SKIDA1: variants seen among roughly 807,000 people sequenced by gnomAD.
SKIDA1 encodes SKI/DACH domain-containing protein 1.
SKIDA1 carries 18 observed loss-of-function variants against 51.4 expected under a neutral mutation model. The ratio of observed to expected loss-of-function variants is 0.35; its 90% CI spans 0.24 to 0.52. The LOEUF is 0.52. Ranked by LOEUF, SKIDA1 falls within the 20% of genes least tolerant of loss-of-function variation. The pLI is 0.95. For missense variants in SKIDA1, 1,104 were observed against 1,180.6 expected (o/e 0.94, Z 0.95); for synonymous variants, 579 against 500.5 (o/e 1.16, Z -2.09).
At chr10:21,524,389 G>C (rs1001615597) in intron 1 of SKIDA1, among the ~76,000 whole-genome samples, 2 of 151,986 alleles carry the variant, frequency 1.3e-5, no homozygotes, top group African/African-American at 4.8e-5. Context: ...TTTTCTCAAA[G>C]ACATATCTAT....
At position 21,516,569 on chromosome 10, in the gene SKIDA1, T is replaced by C. The variant is rs1338800240; in HGVS notation, c.1254A>G (p.Gly418=). ...SVSSEEEEEE[G]EEEEEEEEEE... The stretch of plus-strand genomic sequence containing the variant: ...CCTCCTCTTCCTCCTCCTCCTCCTC[T>C]CCCTCCTCCTCCTCTTCCTCTGAGG... The change falls in exon 4 of 4, where the codon GGA becomes GGG. Residue 418 remains glycine, a synonymous_variant. Transcript: ENST00000449193. This position sits in a 1 kb window ranked among gnomAD's most constrained non-coding sequence, Gnocchi z 5.7. 11 of 1,527,376 alleles carry C rather than the reference T, an allele frequency of 7.2e-6. No individual in the cohort carries two copies. The highest frequency in any genetic ancestry group is 2.0e-5 in the Admixed American group (1 of 50,372). 94.6% of individuals were successfully genotyped at this position (1,527,376 alleles called of 1,614,324 possible). A position where few individuals can be genotyped will look rare whatever the true frequency, so the allele number is the denominator to read the frequency against.
Position 21,515,555 on chromosome 10 carries a change from G to A in SKIDA1, c.2268C>T (p.Gly756=), listed in dbSNP as rs975569948. 3 of 1,613,988 alleles carry A rather than the reference G, an allele frequency of 1.9e-6. No homozygotes were observed. Among genetic ancestry groups the A allele is most frequent in the Non-Finnish European group, 2.5e-6 (3 of 1,179,900 alleles). Residue 756 remains glycine, a synonymous_variant, in exon 4 of 4, where the codon GGC becomes GGT. Coordinates refer to ENST00000449193, the MANE Select transcript of SKIDA1 (RefSeq NM_207371.4). ...PSLNPLAQSQ[G]LSCTLGSPKP... is the part of the protein sequence containing the mutation. ...TTGGAGAACCTAAAGTGCATGAAAG[G>A]CCCTGACTTTGAGCCAGTGGATTTA...
chr10:21,516,680 G>T lies in SKIDA1; in HGVS notation c.1143C>A (p.Ser381Arg). ...HLGSFPESCS[S>R]DSESSSYSDH... ...CCGAGTAGGAGCTGGACTCGGAGTC[G>T]CTGCTGCAGCTCTCGGGAAAGCTGC... Residue 381 changes from serine to arginine, a missense_variant, in exon 4 of 4, where the codon AGC (serine) becomes AGA (arginine). Transcript: ENST00000449193. The surrounding 1 kb of genome is among the most constrained non-coding windows in gnomAD (Gnocchi z 5.7). 6.4e-7 allele frequency: 1 copy of T among 1,551,552 alleles called. No individual in the cohort carries two copies. The highest frequency in any genetic ancestry group is 8.7e-7 in the Non-Finnish European group (1 of 1,146,958).
rs772768680 is a variant in SKIDA1 at position 21,515,243 on chromosome 10, T to A, written c.2580A>T (p.Arg860Ser). Residue 860 changes from arginine to serine, a missense_variant, in exon 4 of 4, where the codon AGA becomes AGT. Physicochemically the swap from Arg to Ser is moderately radical, Grantham distance 110. This residue lies in a region of SKIDA1 where 112 missense variants were observed against 168.3 expected (regional missense o/e 0.67). Coordinates refer to ENST00000449193, the MANE Select transcript of SKIDA1 (RefSeq NM_207371.4). ...FPCPPSLIIG[R>S]DGDLWPAYSL... Reference sequence around the variant, plus strand: ...AATACGCCGGCCACAAATCCCCATCTCTCCCAATAATGAGTGATGGTGGAC... The same window carrying A: ...AATACGCCGGCCACAAATCCCCATCACTCCCAATAATGAGTGATGGTGGAC... 1 of 1,613,724 alleles carries A rather than the reference T, an allele frequency of 6.2e-7. No individual in the cohort carries two copies. Among genetic ancestry groups the A allele is most frequent in the African/African-American group, 1.3e-5 (1 of 74,838 alleles).
chr10:21,516,440 C>T lies in SKIDA1; in HGVS notation c.1383G>A (p.Val461=). The T allele has an allele frequency of 1.2e-6, 2 of 1,613,168 alleles. No individual in the cohort carries two copies. Among genetic ancestry groups the T allele is most frequent in the Non-Finnish European group, 1.7e-6 (2 of 1,179,860 alleles). Reference sequence around the variant, plus strand: ...TGGTGCGCCTGAATCGGATGCTCTGCACTGACACTTGGCTGGAGCCGGAGC... The same window carrying T: ...TGGTGCGCCTGAATCGGATGCTCTGTACTGACACTTGGCTGGAGCCGGAGC... The part of the protein sequence containing the change: ...DSSSGSSQVS[V]QSIRFRRTSF... The change falls in exon 4 of 4, where the codon GTG becomes GTA. Residue 461 remains valine, a synonymous_variant. Coordinates refer to ENST00000449193, the MANE Select transcript of SKIDA1 (RefSeq NM_207371.4). This position sits in a 1 kb window ranked among gnomAD's most constrained non-coding sequence, Gnocchi z 5.7.
In SKIDA1 at chr10:21,515,305, C is replaced by G. The variant is rs766276091; in HGVS notation, c.2518G>C (p.Val840Leu). The change falls in exon 4 of 4, where the codon GTG (valine) becomes CTG (leucine). Residue 840 changes from valine (V) to leucine (L), a missense_variant. Physicochemically the swap from Val to Leu is conservative, Grantham distance 32. Transcript: ENST00000449193. ...GCCATGAAATGAAATGGCCTTTTCA[C>G]TGCTGATGCTACATTGCTGGCTACC... Reference protein sequence around the residue: ...KKVASNVASAVKRPFHFMANF... With the variant: ...KKVASNVASALKRPFHFMANF... The G allele has an allele frequency of 1.2e-6, 2 of 1,614,006 alleles. No homozygotes were observed. Among genetic ancestry groups the G allele is most frequent in the Admixed American group, 1.7e-5 (1 of 60,030 alleles).
chr10:21,516,678 T>A lies in SKIDA1; in HGVS notation c.1145A>T (p.Asp382Val). 6.4e-7 allele frequency: 1 copy of A among 1,551,058 alleles called. No homozygotes were observed. The highest frequency in any genetic ancestry group is 8.7e-7 in the Non-Finnish European group (1 of 1,146,842). The change falls in exon 4 of 4, where the codon GAC becomes GTC. Residue 382 changes from aspartate to valine, a missense_variant. By Grantham distance (152) the Asp-to-Val change is radical. Around this residue, in one of 3 missense-constraint regions of SKIDA1, gnomAD observed 938 missense variants for 886.4 expected, o/e 1.06. Coordinates refer to ENST00000449193, the MANE Select transcript of SKIDA1 (RefSeq NM_207371.4). This position sits in a 1 kb window ranked among gnomAD's most constrained non-coding sequence, Gnocchi z 5.7. ...GTCCGAGTAGGAGCTGGACTCGGAG[T>A]CGCTGCTGCAGCTCTCGGGAAAGCT... ...LGSFPESCSS[D>V]SESSSYSDHA...
Position 21,516,983 on chromosome 10 carries a change from G to A in SKIDA1, c.840C>T (p.Asp280=), listed in dbSNP as rs1180562397. Reference sequence around the variant, plus strand: ...CGCCGGCGTGAGGCGCGAGCAGGCAGTCCTTGGCGCCGCCGCGCTTGCGCT... The same window carrying A: ...CGCCGGCGTGAGGCGCGAGCAGGCAATCCTTGGCGCCGCCGCGCTTGCGCT... ...RCKRKRGGAK[D]CLLAPHAGAR... Residue 280 remains aspartate, a synonymous_variant, in exon 4 of 4, where the codon GAC becomes GAT. Coordinates refer to ENST00000449193, the MANE Select transcript of SKIDA1 (RefSeq NM_207371.4). This position sits in a 1 kb window ranked among gnomAD's most constrained non-coding sequence, Gnocchi z 5.7. 14 of 1,154,474 alleles carry A rather than the reference G, an allele frequency of 1.2e-5. No homozygotes were observed. The highest frequency in any genetic ancestry group is 4.3e-6 in the Non-Finnish European group (4 of 934,860). The allele number at this position is 1,154,474 out of a possible 1,614,324, so 71.5% of individuals were successfully genotyped here. A position where few individuals can be genotyped will look rare whatever the true frequency, so the allele number is the denominator to read the frequency against.
In SKIDA1 at chr10:21,516,461, G is replaced by A; in HGVS notation, c.1362C>T (p.Ser454=). The A allele has an allele frequency of 2.5e-6, 4 of 1,611,978 alleles. No individual in the cohort carries two copies. Among genetic ancestry groups the A allele is most frequent in the Non-Finnish European group, 3.4e-6 (4 of 1,179,580 alleles). The change falls in exon 4 of 4, where the codon TCC becomes TCT. Residue 454 remains serine, a synonymous_variant. Transcript: ENST00000449193. The surrounding 1 kb of genome is among the most constrained non-coding windows in gnomAD (Gnocchi z 5.7). ...EDSSTESDSS[S]GSSQVSVQSI... is the part of the protein sequence containing the mutation. ...TCTGCACTGACACTTGGCTGGAGCC[G>A]GAGCTGGAGTCCGACTCGGTGGACG...
intron 3 of SKIDA1, among the ~76,000 whole-genome samples, chr10:21,520,270 T>C (rs1467160186): frequency 6.6e-6 from 1 of 152,186 alleles, no homozygotes; most frequent in East Asian, 1.9e-4. Flanking sequence ...CTGGATCTAT[T>C]ACACCGTGTT....
chr10:21,516,657 G>A lies in SKIDA1; in HGVS notation c.1166C>T (p.Ser389Leu). 1.9e-6 allele frequency: 3 copies of A among 1,551,694 alleles called. No homozygotes were observed. Among genetic ancestry groups the A allele is most frequent in the Non-Finnish European group, 2.6e-6 (3 of 1,146,994 alleles). Reference sequence around the variant, plus strand: ...ATCCGAGTCGTTGGCCGCGTGGTCCGAGTAGGAGCTGGACTCGGAGTCGCT... The same window carrying A: ...ATCCGAGTCGTTGGCCGCGTGGTCCAAGTAGGAGCTGGACTCGGAGTCGCT... ...CSSDSESSSY[S>L]DHAANDSDFG... The change falls in exon 4 of 4, where the codon TCG (serine) becomes TTG (leucine). Residue 389 changes from serine to leucine, a missense_variant. Coordinates refer to ENST00000449193, the MANE Select transcript of SKIDA1 (RefSeq NM_207371.4). This position sits in a 1 kb window ranked among gnomAD's most constrained non-coding sequence, Gnocchi z 5.7.
chr10:21,522,703 G>A (rs2032438929), intron 2 of SKIDA1, among the ~76,000 whole-genome samples: 1 of 151,988 alleles, frequency 6.6e-6, no homozygotes. Flanking sequence ...ACAAATCAGG[G>A]TAAGTCTCCA....
At chr10:21,522,852 C>T (rs2032451414) in intron 2 of SKIDA1, among the ~76,000 whole-genome samples, 1 of 152,034 alleles carries the variant, frequency 6.6e-6, no homozygotes, top group Admixed American at 6.5e-5. Flanking sequence ...GCCCCCTGAC[C>T]CATCTTGAAT....
In SKIDA1 at chr10:21,515,824, C is replaced by A; in HGVS notation, c.1999G>T (p.Ala667Ser). Residue 667 changes from alanine (A) to serine (S), a missense_variant, in exon 4 of 4, where the codon GCC (alanine) becomes TCC (serine). This residue lies in a region of SKIDA1 where 938 missense variants were observed against 886.4 expected (regional missense o/e 1.06). Coordinates refer to ENST00000449193, the MANE Select transcript of SKIDA1 (RefSeq NM_207371.4). ...CCTGTGTCAGTGCAGGGATTCTCGG[C>A]TTTAGTTGCTGCTGCTCCTGCAGCG... ...VNAAGAAATK[A>S]ENPCTDTGDK... The A allele has an allele frequency of 1.4e-5, 22 of 1,613,950 alleles. No homozygotes were observed. The highest frequency in any genetic ancestry group is 1.9e-5 in the Non-Finnish European group (22 of 1,179,856).
Position 21,517,882 on chromosome 10 carries a change from C to T in SKIDA1, c.-60G>A. ...AATATATACGTGACGCATACATACA[C>T]ATGTATGTATGTTAATCCTCAGCCA... On this transcript the variant is annotated 5_prime_UTR_variant, in exon 4 of 4. It adds an upstream start codon to the 5' untranslated region. Coordinates refer to ENST00000449193, the MANE Select transcript of SKIDA1 (RefSeq NM_207371.4). This position sits in a 1 kb window ranked among gnomAD's most constrained non-coding sequence, Gnocchi z 6.9. The T allele has an allele frequency of 1.2e-5, 16 of 1,369,732 alleles. No individual in the cohort carries two copies. The highest frequency in any genetic ancestry group is 2.2e-5 in the Admixed American group (1 of 45,272). The allele number at this position is 1,369,732 out of a possible 1,614,324, so 84.8% of individuals were successfully genotyped here. A position where few individuals can be genotyped will look rare whatever the true frequency, so the allele number is the denominator to read the frequency against.
At chr10:21,521,879 G>A (rs981764417) in intron 2 of SKIDA1, among the ~76,000 whole-genome samples, 1 of 152,050 alleles carries the variant, frequency 6.6e-6, no homozygotes, top group Admixed American at 6.6e-5. Flanking sequence ...TAAAGTGAAG[G>A]GCCATGAAAA....
Position 21,516,243 on chromosome 10 carries a change from G to A in SKIDA1, c.1580C>T (p.Pro527Leu), listed in dbSNP as rs1422234772. The change falls in exon 4 of 4, where the codon CCC (proline) becomes CTC (leucine). Residue 527 changes from proline to leucine, a missense_variant. Pro to Leu is a moderately conservative substitution (Grantham distance 98). This residue lies in a region of SKIDA1 where 938 missense variants were observed against 886.4 expected (regional missense o/e 1.06). Transcript: ENST00000449193. The surrounding 1 kb of genome is among the most constrained non-coding windows in gnomAD (Gnocchi z 5.7). The stretch of plus-strand genomic sequence containing the variant: ...CGGGCAGTACACCGGAGATGCTTTG[G>A]GGGCCCAGCTCTGCAGATTCCACTC... ...PAEWNLQSWA[P>L]KASPVYCPAS... The A allele has an allele frequency of 6.2e-7, 1 of 1,614,008 alleles. No individual in the cohort carries two copies. Among genetic ancestry groups the A allele is most frequent in the Admixed American group, 1.7e-5 (1 of 60,026 alleles).
Position 21,515,689 on chromosome 10 carries a change from T to C in SKIDA1, c.2134A>G (p.Asn712Asp), listed in dbSNP as rs762895882. Residue 712 changes from asparagine to aspartate, a missense_variant, in exon 4 of 4, where the codon AAT (asparagine) becomes GAT (aspartate). Transcript: ENST00000449193. ...LFTNKLKCEC[N>D]DTKGEFYSVT... ...CTGTAAAACTCACCCTTTGTATCAT[T>C]GCACTCGCACTTTAGCTTATTTGTA... 3 of 1,614,080 alleles carry C rather than the reference T, an allele frequency of 1.9e-6. No individual in the cohort carries two copies. In the South Asian group the frequency reaches 3.3e-5, roughly 18 times the overall value.
In SKIDA1 at chr10:21,516,911, C is replaced by G; in HGVS notation, c.912G>C (p.Ala304=). 1 of 1,200,382 alleles carries G rather than the reference C, an allele frequency of 8.3e-7. No individual in the cohort carries two copies. The highest frequency in any genetic ancestry group is 1.0e-6 in the Non-Finnish European group (1 of 970,658). 74.4% of individuals were successfully genotyped at this position (1,200,382 alleles called of 1,614,324 possible). A position where few individuals can be genotyped will look rare whatever the true frequency, so the allele number is the denominator to read the frequency against. ...CCGCTGCCGCCGCCGCCGCCGCCGC[C>G]GCCGCCTTGGCTTTGTAGGACCTGG... is the stretch of plus-strand genomic sequence containing the variant. ...LLPRSYKAKA[A]AAAAAAAAAA... Residue 304 remains alanine (A), a synonymous_variant, in exon 4 of 4, where the codon GCG becomes GCC. Transcript: ENST00000449193. This position sits in a 1 kb window ranked among gnomAD's most constrained non-coding sequence, Gnocchi z 5.7.
Sources: allele counts gnomAD v4.1 joint callset (sites outside exome capture counted in the v4.1 genomes callset), GRCh38; gene constraint gnomAD v4.1.1; regional missense constraint gnomAD v4.1.1; non-coding constraint Gnocchi (gnomAD v3.1); transcripts MANE v1.5; gene names NCBI Gene and HGNC (gene_info 2026-07-23, HGNC 2026-07-21).